HNF1B: variants seen among roughly 807,000 people sequenced by gnomAD.
HNF1B encodes the protein HNF1 homeobox B.
Under a neutral mutation model 61.7 loss-of-function variants are expected in HNF1B, and 8 were observed. The observed-to-expected ratio is 0.13, with a 90% CI of 0.08 to 0.23. The LOEUF is 0.23. Among genes scored for constraint, HNF1B ranks in the 10% least tolerant of loss-of-function variants. The probability of loss-of-function intolerance (pLI) is 1.00; values close to 1 mark genes in which losing one functional copy is unlikely to be tolerated. For synonymous variants in HNF1B, 314 were observed against 287.7 expected, an observed-to-expected ratio of 1.09 and a Z score of -0.93; for missense variants, 562 against 714.5, an observed-to-expected ratio of 0.79 and a Z score of 2.43.
chr17:37,702,064 C>A (rs3110619), intron 6 of HNF1B, among the ~76,000 whole-genome samples: 3 of 152,102 alleles, frequency 2.0e-5, no homozygotes, highest in African/African-American at 7.2e-5. Flanking sequence ...AAGGTAGGAT[C>A]GGAGTGGGGA....
At chr17:37,698,904 T>C (rs1365646499) in intron 8 of HNF1B, among the ~76,000 whole-genome samples, 172 bp downstream of exon 8, 1 of 69,958 alleles carries the variant, frequency 1.4e-5, no homozygotes, top group African/African-American at 8.6e-5. Context: ...CCTTTCAGCC[T>C]GTGGCCCTTT....
intron 8 of HNF1B, among the ~76,000 whole-genome samples, chr17:37,696,982 T>C (rs1348772903): frequency 6.6e-6 from 1 of 152,178 alleles, no homozygotes; most frequent in Non-Finnish European, 1.5e-5. Context: ...AGTGAACTTA[T>C]TTTTTACTCT....
In HNF1B at chr17:37,731,631, G is replaced by C. The variant is rs753719722; in HGVS notation, c.1009C>G (p.His337Asp). ...TTTGGAGGAGAGGAGCTGGGCTGGT[G>C]GTGGGGGGAGCCGTGGGAGAGCAGA... ...NPLLSHGSPH[H>D]QPSSSPPNKL... The change falls in exon 4 of 9, where the codon CAC (histidine) becomes GAC (aspartate). Residue 337 changes from histidine (H) to aspartate (D), a missense_variant. Around this residue, in one of 6 missense-constraint regions of HNF1B, gnomAD observed 211 missense variants for 200.7 expected, o/e 1.05. Transcript: ENST00000617811. 6 of 1,613,904 alleles carry C rather than the reference G, an allele frequency of 3.7e-6. No individual in the cohort carries two copies. In the Admixed American group the frequency reaches 5.0e-5, roughly 13 times the overall value.
chr17:37,737,507 A>C (rs1466856515), intron 2 of HNF1B, among the ~76,000 whole-genome samples: 3 of 152,156 alleles, frequency 2.0e-5, no homozygotes, highest in African/African-American at 7.2e-5. Context: ...AATGTTTCTT[A>C]AGCTTTTATG....
intron 4 of HNF1B, chr17:37,728,639 C>A (rs1217019952): frequency 2.1e-5 from 3 of 144,702 alleles, no homozygotes; most frequent in Non-Finnish European, 3.0e-5. Context: ...ATTCTGCACA[C>A]AGTTACGTTT....
At position 37,707,510 on chromosome 17, in the gene HNF1B, T is replaced by C. The variant is rs561316633; in HGVS notation, c.1207-2461A>G. On this transcript the variant is annotated intron_variant, in intron 5 of 8. Coordinates refer to ENST00000617811, the MANE Select transcript of HNF1B (RefSeq NM_000458.4). ...TCCTTACATGATAATTTGGAGAGCC[T>C]GAATTACATTAATGCTGTCATTTAT... 1.2e-4 allele frequency among the ~76,000 whole-genome samples: 18 copies of C among 152,336 alleles called. No homozygotes were observed. In the East Asian group the frequency reaches 3.1e-3, roughly 26 times the overall value.
At chr17:37,704,878 T>C (rs1213125298) in intron 6 of HNF1B, 39 bp downstream of exon 6, 1 of 1,611,642 alleles carries the variant, frequency 6.2e-7, no homozygotes, top group East Asian at 2.2e-5. Flanking sequence ...ATTCTTCTTC[T>C]CCCTGCCCCC....
intron 5 of HNF1B, among the ~76,000 whole-genome samples, chr17:37,709,176 C>T (rs757038175): frequency 2.0e-5 from 3 of 152,198 alleles, no homozygotes; most frequent in African/African-American, 7.2e-5. Flanking sequence ...ATAAGCCACT[C>T]TCTCCTGCAC....
intron 5 of HNF1B, among the ~76,000 whole-genome samples, chr17:37,705,506 T>C (rs1427206899): frequency 6.6e-6 from 1 of 152,182 alleles, no homozygotes; most frequent in Admixed American, 6.5e-5. Flanking sequence ...CTCTACTTTT[T>C]CCACATCTCC....
chr17:37,734,048 G>C (rs1431179211), intron 2 of HNF1B, among the ~76,000 whole-genome samples: 2 of 152,152 alleles, frequency 1.3e-5, no homozygotes, highest in African/African-American at 4.8e-5. Context: ...TTCTTTGAAG[G>C]AGCTCAAACA....
chr17:37,735,917 C>A (rs971151932), intron 2 of HNF1B, among the ~76,000 whole-genome samples: 5 of 152,148 alleles, frequency 3.3e-5, no homozygotes, highest in Non-Finnish European at 5.9e-5. Context: ...CAGGCCACCA[C>A]ATCTGACTAA....
At chr17:37,689,365 C>T (rs933211230) in intron 8 of HNF1B, among the ~76,000 whole-genome samples, 3 of 152,048 alleles carry the variant, frequency 2.0e-5, no homozygotes, top group Admixed American at 1.3e-4. Flanking sequence ...AGAGAGAAAA[C>T]GGCTTGTGAC....
chr17:37,689,932 C>G (rs530828488), intron 8 of HNF1B, among the ~76,000 whole-genome samples: 6 of 151,972 alleles, frequency 3.9e-5, no homozygotes, highest in Non-Finnish European at 5.9e-5. Context: ...GTAAACAACA[C>G]CCTGCCCACT....
At chr17:37,704,539 T>G (rs1300326868) in intron 6 of HNF1B, among the ~76,000 whole-genome samples, 1 of 152,234 alleles carries the variant, frequency 6.6e-6, no homozygotes, top group African/African-American at 2.4e-5. Context: ...CAAGACAAAG[T>G]GTAAGCTACG....
intron 4 of HNF1B, among the ~76,000 whole-genome samples, chr17:37,711,796 G>A (rs900803298): frequency 4.6e-5 from 7 of 152,198 alleles, no homozygotes; most frequent in Admixed American, 2.6e-4. Context: ...CAACTCTTTA[G>A]CTGCACGTCT....
At chr17:37,739,685 G>C in intron 1 of HNF1B, 46 bp from the exon 2 acceptor site, 1 of 1,477,926 alleles carries the variant, frequency 6.8e-7, no homozygotes, top group Non-Finnish European at 9.3e-7. Context: ...GAGACATCTG[G>C]GGAGAAACAT....
At chr17:37,733,892 AG>A in intron 2 of HNF1B, 71 bp from the exon 3 acceptor site, 8 of 1,558,248 alleles carry the variant, frequency 5.1e-6, no homozygotes, top group Admixed American at 1.7e-5. Flanking sequence ...ACAGACAGAC[AG>A]ACAACGGACG....
In HNF1B at chr17:37,731,331, A is replaced by T; in HGVS notation, c.1045+264T>A. The stretch of plus-strand genomic sequence containing the variant: ...GCTGAGTCAGCAGCCACACAGGGAG[A>T]AGAAGAGGGAAGGAGACAAATAGGG... On this transcript the variant is annotated intron_variant, in intron 4 of 8. Coordinates refer to ENST00000617811, the MANE Select transcript of HNF1B (RefSeq NM_000458.4). The T allele has an allele frequency of 6.7e-6, 4 of 600,766 alleles. No homozygotes were observed. The South Asian group carries it at 7.7e-5, about 12-fold the overall frequency. 37.2% of individuals were successfully genotyped at this position (600,766 alleles called of 1,614,324 possible). A position where few individuals can be genotyped will look rare whatever the true frequency, so the allele number is the denominator to read the frequency against.
intron 1 of HNF1B, 39 bp from the exon 2 acceptor site, chr17:37,739,678 A>G (rs1193236819): frequency 2.7e-6 from 4 of 1,505,460 alleles, no homozygotes; most frequent in Non-Finnish European, 3.7e-6. Context: ...CTAGTGGGAG[A>G]CATCTGGGGA....
Sources: allele counts gnomAD v4.1 joint callset (sites outside exome capture counted in the v4.1 genomes callset), GRCh38; gene constraint gnomAD v4.1.1; regional missense constraint gnomAD v4.1.1; transcripts MANE v1.5; gene names NCBI Gene and HGNC (gene_info 2026-07-23, HGNC 2026-07-21).